SSBP2: variants seen among roughly 807,000 people sequenced by gnomAD.
The protein encoded by SSBP2 is single stranded DNA binding protein 2.
In SSBP2, 17 loss-of-function variants were observed where a neutral mutation model predicts 61.8. That is an observed-to-expected ratio of 0.28 (90% CI 0.19 to 0.41). The LOEUF (loss-of-function observed/expected upper bound fraction) is 0.41, where lower values mean the gene tolerates loss of function less well. Ranked by LOEUF, SSBP2 falls within the 10% of genes least tolerant of loss-of-function variation. The probability of loss-of-function intolerance (pLI) is 1.00; values close to 1 mark genes in which losing one functional copy is unlikely to be tolerated. For missense variants in SSBP2, 310 were observed against 458.7 expected (o/e 0.68, Z 2.96); for synonymous variants, 139 against 141.3 (o/e 0.98, Z 0.12).
At chr5:81,521,951 C>G (rs1008848646) in intron 4 of SSBP2, among the ~76,000 whole-genome samples, 1 of 151,934 alleles carries the variant, frequency 6.6e-6, no homozygotes, top group Non-Finnish European at 1.5e-5. Flanking sequence ...TCATGGGAAA[C>G]TAGTACACTT....
intron 1 of SSBP2, among the ~76,000 whole-genome samples, chr5:81,714,242 C>A (rs1226425894): frequency 1.3e-5 from 2 of 152,076 alleles, no homozygotes; most frequent in African/African-American, 2.4e-5. Context: ...TGAACTCATC[C>A]TTTTTTATGG....
intron 2 of SSBP2, among the ~76,000 whole-genome samples, chr5:81,642,564 T>C (rs915427777): frequency 2.0e-5 from 3 of 152,206 alleles, no homozygotes; most frequent in African/African-American, 7.2e-5. Flanking sequence ...GAAAAAGACA[T>C]GTCTTGTGGT....
intron 16 of SSBP2, among the ~76,000 whole-genome samples, chr5:81,421,491 C>T (rs2153885223): frequency 6.6e-6 from 1 of 152,306 alleles, no homozygotes; most frequent in East Asian, 1.9e-4. Flanking sequence ...CTGTGCTCGG[C>T]CTGTGACTCT....
chr5:81,461,481 CT>C (rs1274809328), intron 9 of SSBP2, among the ~76,000 whole-genome samples: 11 of 151,892 alleles, frequency 7.2e-5, no homozygotes, highest in Admixed American at 6.6e-4. Flanking sequence ...TCAATATGAG[CT>C]TCCTGTATCT....
intron 10 of SSBP2, among the ~76,000 whole-genome samples, chr5:81,459,294 A>T (rs1764379089): frequency 6.6e-6 from 1 of 152,192 alleles, no homozygotes; most frequent in Non-Finnish European, 1.5e-5. Context: ...GTTTACTTGG[A>T]TAATATACCC....
At chr5:81,513,402 T>C (rs1768767505) in intron 5 of SSBP2, among the ~76,000 whole-genome samples, 1 of 152,140 alleles carries the variant, frequency 6.6e-6, no homozygotes, top group African/African-American at 2.4e-5. Flanking sequence ...CTTTTCTTTC[T>C]TAATTGAGCA....
upstream of SSBP2, among the ~76,000 whole-genome samples, chr5:81,751,514 C>T (rs999024422): frequency 2.0e-5 from 3 of 152,242 alleles, no homozygotes; most frequent in African/African-American, 7.2e-5. Flanking sequence ...GGCCTGGAGT[C>T]TCCGGCCGGA....
At chr5:81,561,177 A>C (rs1039797233) in intron 4 of SSBP2, among the ~76,000 whole-genome samples, 2 of 152,190 alleles carry the variant, frequency 1.3e-5, no homozygotes, top group African/African-American at 4.8e-5. Context: ...TTCCCCAAGA[A>C]TGTTTCTTTT....
chr5:81,610,272 A>G (rs1294444781), intron 4 of SSBP2, among the ~76,000 whole-genome samples: 1 of 152,208 alleles, frequency 6.6e-6, no homozygotes, highest in Non-Finnish European at 1.5e-5. Context: ...CTGTGTCAGA[A>G]GAATGATCCT....
At chr5:81,426,175 T>C (rs1281400233) in intron 16 of SSBP2, among the ~76,000 whole-genome samples, 1 of 152,258 alleles carries the variant, frequency 6.6e-6, no homozygotes, top group African/African-American at 2.4e-5. Context: ...ACCAAATCTC[T>C]TTTGTCTTTC....
chr5:81,560,570 A>G (rs2153412110), intron 4 of SSBP2, among the ~76,000 whole-genome samples: 1 of 152,280 alleles, frequency 6.6e-6, no homozygotes. Context: ...TCCCACCTCT[A>G]CGCTTTCCTA....
chr5:81,747,613 A>AAAAAAATTTTTTTACATTG (rs538195833), intron 1 of SSBP2, among the ~76,000 whole-genome samples: 161 of 152,264 alleles, frequency 1.1e-3, no homozygotes, highest in Middle Eastern at 3.4e-3. Context: ...AGGTCACTGA[A>AAAAAAATTTTTTTACATTG]AAAAAATTTT....
chr5:81,526,462 A>AT (rs545291763), intron 4 of SSBP2, among the ~76,000 whole-genome samples: 115 of 152,092 alleles, frequency 7.6e-4, no homozygotes, highest in African/African-American at 2.6e-3. Flanking sequence ...GAGTTAGTTT[A>AT]TTTTTTGGAA....
intron 4 of SSBP2, among the ~76,000 whole-genome samples, chr5:81,532,802 C>T (rs1409788881): frequency 6.6e-6 from 1 of 151,602 alleles, no homozygotes; most frequent in Non-Finnish European, 1.5e-5. Context: ...ATAAAGACAG[C>T]TGTAGAATAA....
intron 15 of SSBP2, among the ~76,000 whole-genome samples, chr5:81,432,833 C>T (rs1762390409): frequency 6.8e-6 from 1 of 147,534 alleles, no homozygotes; most frequent in African/African-American, 2.5e-5. Context: ...GCCCGGCCAG[C>T]CGCCCCGTCC....
chr5:81,537,428 G>A (rs1039369005), intron 4 of SSBP2, among the ~76,000 whole-genome samples: 1 of 152,108 alleles, frequency 6.6e-6, no homozygotes, highest in Non-Finnish European at 1.5e-5. Context: ...TGACCATCAT[G>A]AGAAACAGGA....
intron 1 of SSBP2, among the ~76,000 whole-genome samples, chr5:81,656,005 T>G (rs1158891634): frequency 6.7e-6 from 1 of 149,960 alleles, no homozygotes; most frequent in Non-Finnish European, 1.5e-5. Flanking sequence ...ACAAAAGGGG[T>G]TTTTTTTATT....
chr5:81,581,031 G>C (rs1392221069), intron 4 of SSBP2, among the ~76,000 whole-genome samples: 3 of 152,120 alleles, frequency 2.0e-5, no homozygotes, highest in African/African-American at 2.4e-5. Context: ...GAATCCAAGA[G>C]AAAGTTACGT....
intron 4 of SSBP2, among the ~76,000 whole-genome samples, chr5:81,601,428 T>C (rs983240010): frequency 1.2e-4 from 18 of 152,020 alleles, no homozygotes; most frequent in African/African-American, 4.3e-4. Flanking sequence ...CAAAACTAAA[T>C]ACACACACAC....
Sources: gnomAD v4.1 joint callset for allele counts (sites outside exome capture counted in the v4.1 genomes callset) on GRCh38, gnomAD v4.1.1 for gene constraint, MANE v1.5 for transcripts, NCBI Gene and HGNC (gene_info 2026-07-23, HGNC 2026-07-21) for gene names.